The following WDPCP variants were observed in gnomAD, a reference collection of about 807,000 sequenced individuals.
WDPCP encodes the protein WD repeat containing planar cell polarity effector.
WDPCP carries 71 observed loss-of-function variants against 93.1 expected under a neutral mutation model. The observed-to-expected ratio is 0.76, with a 90% CI of 0.63 to 0.93. The LOEUF (loss-of-function observed/expected upper bound fraction) is 0.93, where lower values mean the gene tolerates loss of function less well. WDPCP is among the 40% of genes least tolerant of loss of function. The pLI is 0.00. For synonymous variants in WDPCP, 315 were observed against 315.0 expected (o/e 1.00, Z 0.00); for missense variants, 844 against 887.4 (o/e 0.95, Z 0.62).
chr2:63,821,735 T>A (rs1671022096), intron 1 of WDPCP, among the ~76,000 whole-genome samples: 1 of 152,138 alleles, frequency 6.6e-6, no homozygotes, highest in Non-Finnish European at 1.5e-5. Context: ...AAATTCTATT[T>A]TAAAATTGTT....
chr2:63,127,655 GTATGTGCATA>G (rs1271634533), intron 17 of WDPCP, among the ~76,000 whole-genome samples: 1 of 113,408 alleles, frequency 8.8e-6, no homozygotes, highest in Admixed American at 1.1e-4. Context: ...CCGTGTATGT[GTATGTGCATA>G]TATATATATA....
Position 63,484,622 on chromosome 2 carries a change from C to A in WDPCP, c.366G>T (p.Lys122Asn). 2 of 1,612,888 alleles carry A rather than the reference C, an allele frequency of 1.2e-6. No individual in the cohort carries two copies. The highest frequency in any genetic ancestry group is 1.7e-6 in the Non-Finnish European group (2 of 1,179,228). Residue 122 changes from lysine (K) to asparagine (N), a missense_variant, in exon 6 of 18, where the codon AAG becomes AAT. Coordinates refer to ENST00000272321, the MANE Select transcript of WDPCP (RefSeq NM_015910.7). ...QNSRCVLSKW[K>N]NKYVCQLLFG... ...ATTTTACCTGACAGACATATTTGTT[C>A]TTCCATTTGCTCAGCACACACCGAC...
chr2:63,196,231 G>T (rs1675425922), intron 14 of WDPCP, among the ~76,000 whole-genome samples: 1 of 152,206 alleles, frequency 6.6e-6, no homozygotes, highest in Admixed American at 6.5e-5. Context: ...ACAAGAAAAT[G>T]TTGAATAATG....
chr2:63,814,887 T>G (rs1405579053), intron 1 of WDPCP, among the ~76,000 whole-genome samples: 1 of 152,200 alleles, frequency 6.6e-6, no homozygotes, highest in African/African-American at 2.4e-5. Flanking sequence ...CAACTCTGAT[T>G]TCAGAGGTAG....
chr2:63,555,375 C>A (rs114378159), intron 1 of WDPCP, among the ~76,000 whole-genome samples: 123 of 150,336 alleles, frequency 8.2e-4, no homozygotes, highest in African/African-American at 3.0e-3. Flanking sequence ...GGAGAGGCAG[C>A]CATGATCTCC....
At chr2:63,657,818 G>C (rs1310541017) in intron 2 of WDPCP, among the ~76,000 whole-genome samples, 1 of 152,160 alleles carries the variant, frequency 6.6e-6, no homozygotes, top group Non-Finnish European at 1.5e-5. Context: ...CATCCTTACA[G>C]TAGAGTCCCT....
chr2:63,325,938 C>A (rs566354400), intron 12 of WDPCP, among the ~76,000 whole-genome samples: 1 of 152,308 alleles, frequency 6.6e-6, no homozygotes, highest in South Asian at 2.1e-4. Context: ...TGGGACAACC[C>A]CACAACCAGT....
At chr2:63,787,490 TA>T (rs1670486641) in intron 2 of WDPCP, among the ~76,000 whole-genome samples, 1 of 152,112 alleles carries the variant, frequency 6.6e-6, no homozygotes, top group African/African-American at 2.4e-5. Context: ...AATTTTGACT[TA>T]AAAAAATTTA....
intron 3 of WDPCP, among the ~76,000 whole-genome samples, chr2:63,647,849 T>TA (rs1359155702): frequency 6.6e-6 from 1 of 151,942 alleles, no homozygotes; most frequent in Non-Finnish European, 1.5e-5. Context: ...AAAGTTTAAT[T>TA]AAAAAAAACT....
At chr2:63,738,441 A>G (rs1669670193) in intron 2 of WDPCP, among the ~76,000 whole-genome samples, 2 of 145,666 alleles carry the variant, frequency 1.4e-5, no homozygotes, top group African/African-American at 2.5e-5. Context: ...TCCTGTGCAC[A>G]TAGATCTGCT....
chr2:63,825,059 G>A (rs1468848920), intron 1 of WDPCP, among the ~76,000 whole-genome samples: 1 of 152,108 alleles, frequency 6.6e-6, no homozygotes, highest in African/African-American at 2.4e-5. Context: ...ATAAATTTGG[G>A]CGCGAGATAA....
intron 12 of WDPCP, among the ~76,000 whole-genome samples, chr2:63,352,048 G>T (rs549049475): frequency 6.6e-6 from 1 of 152,062 alleles, no homozygotes; most frequent in East Asian, 1.9e-4. Flanking sequence ...TTTCATGTTT[G>T]TTGGCTGCTT....
chr2:63,358,352 C>T (rs1311298800), intron 12 of WDPCP, among the ~76,000 whole-genome samples: 1 of 151,918 alleles, frequency 6.6e-6, no homozygotes, highest in Non-Finnish European at 1.5e-5. Flanking sequence ...TTACAGAACA[C>T]CTTACAGATT....
chr2:63,589,364 G>T (rs1158872676), upstream of WDPCP: 2 of 1,550,626 alleles, frequency 1.3e-6, no homozygotes, highest in East Asian at 4.9e-5. Context: ...GGACGTTACG[G>T]TGTTTGATAA....
chr2:63,748,729 C>T (rs538544869), intron 2 of WDPCP, among the ~76,000 whole-genome samples: 1 of 152,088 alleles, frequency 6.6e-6, no homozygotes, highest in East Asian at 1.9e-4. Context: ...GGACATATTC[C>T]TTGTAGCTCT....
At chr2:63,278,300 T>A (rs1249075626) in intron 13 of WDPCP, among the ~76,000 whole-genome samples, 1 of 151,706 alleles carries the variant, frequency 6.6e-6, no homozygotes, top group Non-Finnish European at 1.5e-5. Context: ...AATGCCTACA[T>A]CAAAAAGTCT....
At chr2:63,789,388 G>A (rs569195986) in intron 2 of WDPCP, among the ~76,000 whole-genome samples, 3 of 152,192 alleles carry the variant, frequency 2.0e-5, no homozygotes, top group South Asian at 4.1e-4. Context: ...CCCAGTGCCT[G>A]GCTCAGAACC....
At chr2:63,450,491 C>G (rs1175362436) in intron 6 of WDPCP, among the ~76,000 whole-genome samples, 1 of 152,158 alleles carries the variant, frequency 6.6e-6, no homozygotes, top group East Asian at 1.9e-4. Flanking sequence ...CCTGGCCCAC[C>G]ACTGCCACTA....
At chr2:63,322,525 C>A (rs1687194617) in intron 12 of WDPCP, among the ~76,000 whole-genome samples, 1 of 152,076 alleles carries the variant, frequency 6.6e-6, no homozygotes, top group African/African-American at 2.4e-5. Context: ...GAGGAAGAAA[C>A]ACCTCCAGAT....
Sources: allele counts gnomAD v4.1 joint callset (sites outside exome capture counted in the v4.1 genomes callset), GRCh38; gene constraint gnomAD v4.1.1; transcripts MANE v1.5; gene names NCBI Gene and HGNC (gene_info 2026-07-23, HGNC 2026-07-21).